VTI1A: variants seen among roughly 807,000 people sequenced by gnomAD.
The protein encoded by VTI1A is vesicle transport through interaction with t-SNAREs homolog 1A.
A neutral mutation model predicts 34.9 loss-of-function variants in VTI1A; 22 were observed. The observed-to-expected ratio is 0.63, with a 90% CI of 0.45 to 0.90. The LOEUF (loss-of-function observed/expected upper bound fraction) is 0.90. VTI1A is among the 40% of genes least tolerant of loss of function. VTI1A has a pLI of 0.00. For missense variants in VTI1A, 268 were observed against 275.6 expected, an observed-to-expected ratio of 0.97 and a Z score of 0.20; for synonymous variants, 87 against 97.3, an observed-to-expected ratio of 0.89 and a Z score of 0.62.
intron 5 of VTI1A, among the ~76,000 whole-genome samples, chr10:112,563,477 G>A (rs1199447701): frequency 6.6e-6 from 1 of 152,008 alleles, no homozygotes; most frequent in African/African-American, 2.4e-5. Flanking sequence ...CGCATACTTG[G>A]CAATAGACCA....
chr10:112,839,574 G>A, the VTI1A span, among the ~76,000 whole-genome samples: 3 of 152,120 alleles, frequency 2.0e-5, no homozygotes, highest in Non-Finnish European at 2.9e-5. Context: ...GGACAAACAT[G>A]GAATCAGAGA....
At chr10:112,517,461 A>G (rs1296238829) in intron 3 of VTI1A, among the ~76,000 whole-genome samples, 1 of 152,130 alleles carries the variant, frequency 6.6e-6, no homozygotes. Flanking sequence ...ATTTATGTAG[A>G]TACTCCGCCC....
chr10:112,536,749 C>G (rs1023174116), intron 4 of VTI1A, among the ~76,000 whole-genome samples: 1 of 149,058 alleles, frequency 6.7e-6, no homozygotes, highest in Non-Finnish European at 1.5e-5. Context: ...TTCTCACCCC[C>G]CCACCCTTCC....
intron 7 of VTI1A, among the ~76,000 whole-genome samples, chr10:112,787,562 A>T (rs10430631): frequency 0.46 from 69,188 of 151,794 alleles, 16,703 homozygotes; most frequent in East Asian, 0.68. Flanking sequence ...AAATAGTGAT[A>T]ATTATGGTTT....
chr10:112,762,053 T>C (rs1851487629), intron 7 of VTI1A, among the ~76,000 whole-genome samples: 1 of 152,202 alleles, frequency 6.6e-6, no homozygotes, highest in Admixed American at 6.5e-5. Flanking sequence ...TACAGTTTCA[T>C]TTACTAGATT....
chr10:112,486,818 T>A (rs1384840816), intron 3 of VTI1A, among the ~76,000 whole-genome samples: 1 of 151,124 alleles, frequency 6.6e-6, no homozygotes, highest in East Asian at 1.9e-4. Context: ...ACATAAATCT[T>A]TTTTTTTTCC....
chr10:112,699,543 C>CAAATGTCAGA (rs1848915251), intron 7 of VTI1A, among the ~76,000 whole-genome samples: 5 of 152,210 alleles, frequency 3.3e-5, no homozygotes, highest in Non-Finnish European at 7.3e-5. Context: ...TGTCAGAACA[C>CAAATGTCAGA]TGGGAGGAGC....
At chr10:112,676,951 T>C (rs1431007669) in intron 7 of VTI1A, among the ~76,000 whole-genome samples, 1 of 152,220 alleles carries the variant, frequency 6.6e-6, no homozygotes, top group Non-Finnish European at 1.5e-5. Context: ...AGGATTCCCC[T>C]GGTGGAGACA....
chr10:112,730,645 C>T (rs772475000), intron 7 of VTI1A, among the ~76,000 whole-genome samples: 1 of 151,408 alleles, frequency 6.6e-6, no homozygotes, highest in Non-Finnish European at 1.5e-5. Flanking sequence ...TTTCCATCTC[C>T]TTGGCTTTTT....
intron 3 of VTI1A, among the ~76,000 whole-genome samples, chr10:112,511,758 A>C (rs190089292): frequency 3.9e-5 from 6 of 151,940 alleles, no homozygotes; most frequent in Admixed American, 2.0e-4. Context: ...CTATATTTCC[A>C]CCGTCTACCT....
chr10:112,685,170 T>C (rs1289305533), intron 7 of VTI1A, among the ~76,000 whole-genome samples: 1 of 152,234 alleles, frequency 6.6e-6, no homozygotes, highest in Admixed American at 6.5e-5. Context: ...ACTTTAAATC[T>C]GCAAATTCAA....
At chr10:112,451,943 T>C (rs1847256558) in intron 1 of VTI1A, among the ~76,000 whole-genome samples, 1 of 152,254 alleles carries the variant, frequency 6.6e-6, no homozygotes, top group Non-Finnish European at 1.5e-5. Flanking sequence ...TTACGTATTA[T>C]TGAAATTAAA....
chr10:112,606,455 G>A (rs1046139261), intron 5 of VTI1A, among the ~76,000 whole-genome samples: 5 of 152,102 alleles, frequency 3.3e-5, no homozygotes, highest in Admixed American at 3.3e-4. Context: ...GTCACTTACT[G>A]GTGCTTTTCC....
chr10:112,577,106 C>T (rs1301882942), intron 5 of VTI1A, among the ~76,000 whole-genome samples: 1 of 152,066 alleles, frequency 6.6e-6, no homozygotes, highest in African/African-American at 2.4e-5. Context: ...ATAAAACATG[C>T]CTACAAAGAA....
chr10:112,688,644 C>T (rs111353717), intron 7 of VTI1A, among the ~76,000 whole-genome samples: 50 of 151,766 alleles, frequency 3.3e-4, no homozygotes, highest in African/African-American at 1.2e-3. Context: ...GCCTCAGCCT[C>T]CCTAGTACCT....
At chr10:112,657,479 A>AT (rs1402233700) in intron 5 of VTI1A, among the ~76,000 whole-genome samples, 6 of 152,018 alleles carry the variant, frequency 3.9e-5, no homozygotes, top group Admixed American at 1.3e-4. Flanking sequence ...TACAAATTAG[A>AT]TTTTTTTTAA....
chr10:112,828,108 G>A, the VTI1A span, among the ~76,000 whole-genome samples: 14 of 152,200 alleles, frequency 9.2e-5, no homozygotes, highest in African/African-American at 2.2e-4. Flanking sequence ...TTAGGTCGCC[G>A]TGGAAAACAC....
At chr10:112,736,206 T>C (rs960944890) in intron 7 of VTI1A, among the ~76,000 whole-genome samples, 1 of 150,300 alleles carries the variant, frequency 6.7e-6, no homozygotes, top group Non-Finnish European at 1.5e-5. Flanking sequence ...CTTTTTCTTT[T>C]TCTTCAAATT....
At chr10:112,482,996 A>G (rs1333726077) in intron 3 of VTI1A, among the ~76,000 whole-genome samples, 2 of 152,156 alleles carry the variant, frequency 1.3e-5, no homozygotes, top group Non-Finnish European at 2.9e-5. Flanking sequence ...CAGGGGAAAT[A>G]AAAAGAGAGA....
Sources: allele counts gnomAD v4.1 joint callset (sites outside exome capture counted in the v4.1 genomes callset), GRCh38; gene constraint gnomAD v4.1.1; transcripts MANE v1.5; gene names NCBI Gene and HGNC (gene_info 2026-07-23, HGNC 2026-07-21).